Variants in NRXN1 observed in about 807,000 individuals in gnomAD.
NRXN1 encodes the protein neurexin 1, also known as neurexin-1.
A neutral mutation model predicts 150.9 loss-of-function variants in NRXN1; 39 were observed. The ratio of observed to expected loss-of-function variants is 0.26; its 90% CI spans 0.20 to 0.34. The LOEUF is 0.34. NRXN1 is among the 10% of genes least tolerant of loss of function. The probability of loss-of-function intolerance (pLI) is 1.00; values close to 1 mark genes in which losing one functional copy is unlikely to be tolerated. For missense variants in NRXN1, 1,815 were observed against 1,949.9 expected, an observed-to-expected ratio of 0.93 and a Z score of 1.30; for synonymous variants, 924 against 757.0, an observed-to-expected ratio of 1.22 and a Z score of -3.62.
chr2:50,094,555 A>G (rs745607749), intron 18 of NRXN1, among the ~76,000 whole-genome samples: 1 of 152,098 alleles, frequency 6.6e-6, no homozygotes, highest in Non-Finnish European at 1.5e-5. Flanking sequence ...TAACTGAGAA[A>G]TCTTCAAGGG....
intron 8 of NRXN1, among the ~76,000 whole-genome samples, chr2:50,561,555 T>G (rs1669087292): frequency 6.6e-6 from 1 of 152,286 alleles, no homozygotes; most frequent in South Asian, 2.1e-4. Flanking sequence ...CTTTCAATTT[T>G]GTGTTAAAAA....
intron 5 of NRXN1, among the ~76,000 whole-genome samples, chr2:50,858,994 G>C (rs1255239405): frequency 2.0e-5 from 3 of 152,062 alleles, no homozygotes; most frequent in African/African-American, 7.2e-5. Context: ...AGCCCGGCCT[G>C]TAAATCTCAT....
intron 22 of NRXN1, among the ~76,000 whole-genome samples, chr2:49,934,609 TA>T (rs1407634362): frequency 6.6e-6 from 1 of 152,146 alleles, no homozygotes; most frequent in Admixed American, 6.5e-5. Context: ...CTGAGCCCAT[TA>T]GAGGGAAGTG....
intron 18 of NRXN1, among the ~76,000 whole-genome samples, chr2:50,180,704 C>T (rs1247613068): frequency 6.6e-6 from 1 of 152,102 alleles, no homozygotes; most frequent in African/African-American, 2.4e-5. Flanking sequence ...GATGCTGGAG[C>T]TTTGGTCTTG....
chr2:50,682,953 T>C (rs1690629839), intron 5 of NRXN1, among the ~76,000 whole-genome samples: 1 of 152,112 alleles, frequency 6.6e-6, no homozygotes, highest in Non-Finnish European at 1.5e-5. Flanking sequence ...TACCTATATA[T>C]GCATATAGGT....
chr2:50,556,206 T>C (rs1668231224), intron 8 of NRXN1, among the ~76,000 whole-genome samples: 1 of 152,284 alleles, frequency 6.6e-6, no homozygotes, highest in Non-Finnish European at 1.5e-5. Context: ...AAGTTAGACC[T>C]ACTCTTAAAA....
At chr2:50,692,048 T>C (rs1692164134) in intron 5 of NRXN1, among the ~76,000 whole-genome samples, 1 of 152,166 alleles carries the variant, frequency 6.6e-6, no homozygotes, top group African/African-American at 2.4e-5. Flanking sequence ...AACAAAAAAA[T>C]GGCAAATGAA....
intron 5 of NRXN1, among the ~76,000 whole-genome samples, chr2:50,783,636 T>C (rs547438154): frequency 1.9e-4 from 29 of 152,306 alleles, no homozygotes; most frequent in African/African-American, 6.7e-4. Flanking sequence ...GTATCCACTA[T>C]TCACAGTGAA....
intron 17 of NRXN1, among the ~76,000 whole-genome samples, chr2:50,439,532 C>T (rs1002534038): frequency 7.2e-5 from 11 of 152,054 alleles, no homozygotes; most frequent in Non-Finnish European, 1.5e-4. Context: ...AAAGGCCGGG[C>T]GCGGTGGCTC....
intron 17 of NRXN1, among the ~76,000 whole-genome samples, chr2:50,402,238 T>C (rs896996508): frequency 4.1e-4 from 62 of 152,124 alleles, no homozygotes; most frequent in African/African-American, 1.4e-3. Context: ...TTTCCACTAA[T>C]TTAATACATC....
At chr2:50,745,264 C>T (rs1246043541) in intron 5 of NRXN1, among the ~76,000 whole-genome samples, 2 of 151,754 alleles carry the variant, frequency 1.3e-5, no homozygotes, top group African/African-American at 4.8e-5. Flanking sequence ...ATAGTAAGTG[C>T]TCAGTAAATC....
intron 17 of NRXN1, among the ~76,000 whole-genome samples, chr2:50,329,063 G>C (rs2152981828): frequency 6.6e-6 from 1 of 152,156 alleles, no homozygotes; most frequent in African/African-American, 2.4e-5. Context: ...AATACCAATA[G>C]ATTGATTACA....
At chr2:50,408,853 C>G (rs201497564) in intron 17 of NRXN1, among the ~76,000 whole-genome samples, 282 of 86,916 alleles carry the variant, frequency 3.2e-3, no homozygotes, top group African/African-American at 0.027. Context: ...CTCTCTCTCT[C>G]TCTCTCTCTC....
At chr2:50,054,511 A>G (rs1411095547) in intron 20 of NRXN1, among the ~76,000 whole-genome samples, 2 of 152,308 alleles carry the variant, frequency 1.3e-5, no homozygotes, top group East Asian at 3.9e-4. Flanking sequence ...GGCAATTCAT[A>G]TTGCCCACTA....
intron 21 of NRXN1, among the ~76,000 whole-genome samples, chr2:49,948,900 T>G (rs1673429871): frequency 6.6e-6 from 1 of 151,966 alleles, no homozygotes; most frequent in Admixed American, 6.6e-5. Flanking sequence ...TGAGTGTCTC[T>G]AACTGTGCAT....
At chr2:50,646,267 C>T (rs996341694) in intron 5 of NRXN1, among the ~76,000 whole-genome samples, 7 of 151,970 alleles carry the variant, frequency 4.6e-5, no homozygotes, top group Non-Finnish European at 7.4e-5. Context: ...GTCAGATTTT[C>T]TTCTCACACT....
At chr2:50,630,063 G>T (rs1681984749) in intron 5 of NRXN1, among the ~76,000 whole-genome samples, 1 of 151,544 alleles carries the variant, frequency 6.6e-6, no homozygotes, top group South Asian at 2.1e-4. Context: ...CACACAGTTG[G>T]AGGAAAATAT....
At chr2:50,038,067 C>G (rs752383953) in intron 21 of NRXN1, among the ~76,000 whole-genome samples, 12 of 152,066 alleles carry the variant, frequency 7.9e-5, no homozygotes, top group Non-Finnish European at 1.6e-4. Context: ...GAAAAAGGAA[C>G]AGCTTAGAAT....
chr2:50,409,723 A>C (rs1343447888), intron 17 of NRXN1, among the ~76,000 whole-genome samples: 1 of 152,232 alleles, frequency 6.6e-6, no homozygotes, highest in East Asian at 1.9e-4. Flanking sequence ...ATGAAATTTC[A>C]AGTTCACTAC....
Sources: gnomAD v4.1 joint callset for allele counts (sites outside exome capture counted in the v4.1 genomes callset) on GRCh38, gnomAD v4.1.1 for gene constraint, MANE v1.5 for transcripts, NCBI Gene and HGNC (gene_info 2026-07-23, HGNC 2026-07-21) for gene names.